APAF1: variants seen among roughly 807,000 people sequenced by gnomAD.
APAF1 encodes apoptotic protease-activating factor 1.
APAF1 carries 91 observed loss-of-function variants against 152.4 expected under a neutral mutation model. That is an observed-to-expected ratio of 0.60 (90% CI 0.50 to 0.71). The LOEUF (loss-of-function observed/expected upper bound fraction) is 0.71, where lower values mean the gene tolerates loss of function less well. Ranked by LOEUF, APAF1 falls within the 30% of genes least tolerant of loss-of-function variation. APAF1 has a pLI of 0.00. For missense variants in APAF1, 1,283 were observed against 1,472.0 expected, an observed-to-expected ratio of 0.87 and a Z score of 2.10; for synonymous variants, 484 against 494.1, an observed-to-expected ratio of 0.98 and a Z score of 0.27.
At chr12:98,656,440 T>C (rs1051127633) in intron 4 of APAF1, among the ~76,000 whole-genome samples, 1 of 152,186 alleles carries the variant, frequency 6.6e-6, no homozygotes. Context: ...TTGTCTACCT[T>C]CTTCTAAGAC....
At chr12:98,689,462 G>GTGTC (rs1395640708) in intron 16 of APAF1, among the ~76,000 whole-genome samples, 119 of 145,070 alleles carry the variant, frequency 8.2e-4, no homozygotes, top group African/African-American at 3.0e-3. Context: ...GAGAGAGAGA[G>GTGTC]AGTGTGTGTG....
intron 16 of APAF1, among the ~76,000 whole-genome samples, chr12:98,696,646 G>A (rs530753667): frequency 1.3e-5 from 2 of 152,152 alleles, no homozygotes; most frequent in South Asian, 2.1e-4. Context: ...CTTGAAACTT[G>A]GGAGTGATCT....
chr12:98,653,849 TGAC>T (rs1188194967), intron 4 of APAF1, among the ~76,000 whole-genome samples: 1 of 151,204 alleles, frequency 6.6e-6, no homozygotes, highest in Non-Finnish European at 1.5e-5. Context: ...AATACAGTAG[TGAC>T]ATTTTACATT....
At chr12:98,651,855 C>T (rs1190473976) in intron 4 of APAF1, among the ~76,000 whole-genome samples, 1 of 152,028 alleles carries the variant, frequency 6.6e-6, no homozygotes, top group Non-Finnish European at 1.5e-5. Context: ...TGCTTTGTCA[C>T]CCAGGCTGGA....
At chr12:98,693,190 T>A (rs1310756553) in intron 16 of APAF1, among the ~76,000 whole-genome samples, 1 of 152,178 alleles carries the variant, frequency 6.6e-6, no homozygotes, top group African/African-American at 2.4e-5. Context: ...GTGTGGCTAC[T>A]GTAAATGGGA....
Position 98,717,032 on chromosome 12 carries a change from A to AT in APAF1, c.3084+1486dup, listed in dbSNP as rs534723463. 1.8e-3 allele frequency among the ~76,000 whole-genome samples: 276 copies of AT among 151,398 alleles called. 1 individual carries two copies. The highest frequency in any genetic ancestry group is 6.4e-3 in the African/African-American group (265 of 41,228). The stretch of plus-strand genomic sequence containing the variant: ...AGCCGTATGCCACCATGCCAAGCTA[A>AT]TTTTTTGTATTTTTTTTAGTAGAGA... On this transcript the variant is annotated intron_variant, in intron 22 of 26. Transcript: ENST00000551964.
chr12:98,727,358 T>C, intron 26 of APAF1, 42 bp downstream of exon 26: 2 of 1,605,476 alleles, frequency 1.2e-6, no homozygotes, highest in Non-Finnish European at 1.7e-6. Flanking sequence ...TAATAGCCTA[T>C]ATCATACTTT....
intron 16 of APAF1, among the ~76,000 whole-genome samples, chr12:98,694,172 T>C (rs1024248521): frequency 1.1e-4 from 16 of 152,236 alleles, no homozygotes; most frequent in African/African-American, 3.9e-4. Flanking sequence ...ATTAAAATCC[T>C]AGAAGAAAAC....
chr12:98,696,991 A>C (rs2097710673), intron 16 of APAF1, among the ~76,000 whole-genome samples: 1 of 152,244 alleles, frequency 6.6e-6, no homozygotes, highest in African/African-American at 2.4e-5. Flanking sequence ...GTATGAAGAC[A>C]GTGCTCTGAG....
intron 4 of APAF1, among the ~76,000 whole-genome samples, chr12:98,653,219 T>G (rs2097651128): frequency 6.6e-6 from 1 of 152,178 alleles, no homozygotes; most frequent in Non-Finnish European, 1.5e-5. Context: ...ACAGGAACAT[T>G]GGATTTTTGA....
intron 16 of APAF1, among the ~76,000 whole-genome samples, chr12:98,693,889 T>A (rs1227310754): frequency 6.6e-6 from 1 of 151,566 alleles, no homozygotes; most frequent in Non-Finnish European, 1.5e-5. Flanking sequence ...GGGAAGTAAA[T>A]TTTTAAGGTG....
At chr12:98,654,237 G>T (rs905448934) in intron 4 of APAF1, among the ~76,000 whole-genome samples, 1 of 152,052 alleles carries the variant, frequency 6.6e-6, no homozygotes, top group African/African-American at 2.4e-5. Flanking sequence ...TTTAAAGCTG[G>T]TAGTGTTTTC....
chr12:98,650,797 C>G (rs775099681), intron 4 of APAF1, among the ~76,000 whole-genome samples: 5 of 152,056 alleles, frequency 3.3e-5, no homozygotes, highest in Admixed American at 1.3e-4. Flanking sequence ...TTTTAAGCCC[C>G]TACTGCAAAG....
Position 98,723,318 on chromosome 12 carries a change from T to G in APAF1, c.3204+6T>G. The G allele has an allele frequency of 6.2e-7, 1 of 1,613,042 alleles. No homozygotes were observed. Among genetic ancestry groups the G allele is most frequent in the Non-Finnish European group, 8.5e-7 (1 of 1,179,262 alleles). On this transcript the variant is annotated splice_donor_region_variant and intron_variant, in intron 23 of 26. Transcript: ENST00000551964. ...CATTTGATGGAACAGTGAAGGTAAT[T>G]TAAAGTATAAATTTGTTTTTTGAAA...
At chr12:98,651,889 C>T (rs2097649421) in intron 4 of APAF1, among the ~76,000 whole-genome samples, 1 of 151,938 alleles carries the variant, frequency 6.6e-6, no homozygotes, top group Admixed American at 6.6e-5. Flanking sequence ...ATCTTGGCTC[C>T]CTGCAACCTC....
At chr12:98,663,403 A>G (rs542420860) in intron 7 of APAF1, among the ~76,000 whole-genome samples, 17 of 152,152 alleles carry the variant, frequency 1.1e-4, no homozygotes, top group Non-Finnish European at 2.1e-4. Flanking sequence ...ATTTATATAT[A>G]GAATCTCGCT....
At chr12:98,710,178 G>GAT (rs2097726342) in intron 20 of APAF1, among the ~76,000 whole-genome samples, 1 of 126,940 alleles carries the variant, frequency 7.9e-6, no homozygotes, top group African/African-American at 3.2e-5. Flanking sequence ...CCGGCCTAAG[G>GAT]GTTTTTTTTT....
intron 13 of APAF1, among the ~76,000 whole-genome samples, chr12:98,679,650 T>A (rs116702561): frequency 0.025 from 3,805 of 152,326 alleles, 144 homozygotes; most frequent in African/African-American, 0.086. Context: ...AAGCTAGGGC[T>A]GTGACTCCCT....
chr12:98,705,979 G>A (rs759494539), intron 18 of APAF1, among the ~76,000 whole-genome samples: 1 of 152,108 alleles, frequency 6.6e-6, no homozygotes, highest in Non-Finnish European at 1.5e-5. Context: ...CCCTGCATAT[G>A]TAAACTATTT....
Sources: gnomAD v4.1 joint callset for allele counts (sites outside exome capture counted in the v4.1 genomes callset) on GRCh38, gnomAD v4.1.1 for gene constraint, MANE v1.5 for transcripts, NCBI Gene and HGNC (gene_info 2026-07-23, HGNC 2026-07-21) for gene names.